The following CNTN1 variants were observed in gnomAD, a reference collection of about 807,000 sequenced individuals.
CNTN1 encodes contactin 1, also known as contactin-1.
In CNTN1, 38 loss-of-function variants were observed where a neutral mutation model predicts 126.4. The observed-to-expected ratio is 0.30, with a 90% CI of 0.23 to 0.39. The LOEUF is 0.39. Among genes scored for constraint, CNTN1 ranks in the 10% least tolerant of loss-of-function variants. The pLI is 1.00. For synonymous variants in CNTN1, 413 were observed against 422.6 expected, an observed-to-expected ratio of 0.98 and a Z score of 0.28; for missense variants, 1,009 against 1,248.4, an observed-to-expected ratio of 0.81 and a Z score of 2.89.
At chr12:40,746,900 A>T (rs7974699) in intron 1 of CNTN1, among the ~76,000 whole-genome samples, 1 of 151,960 alleles carries the variant, frequency 6.6e-6, no homozygotes, top group Non-Finnish European at 1.5e-5. Flanking sequence ...AGGTGTTTTT[A>T]TCTATTAGGA....
chr12:40,957,312 T>C (rs1040200111), intron 14 of CNTN1, among the ~76,000 whole-genome samples: 1 of 151,434 alleles, frequency 6.6e-6, no homozygotes, highest in Non-Finnish European at 1.5e-5. Flanking sequence ...GTAGTAGGAG[T>C]GGCTGCCAAC....
chr12:41,016,655 C>T (rs753322771), intron 18 of CNTN1, 27 bp from the exon 19 acceptor site: 1 of 1,461,826 alleles, frequency 6.8e-7, no homozygotes. Flanking sequence ...TTACTAAAAC[C>T]TACTCAATCT....
At chr12:41,000,194 G>C (rs143668332) in intron 17 of CNTN1, among the ~76,000 whole-genome samples, 85 of 152,136 alleles carry the variant, frequency 5.6e-4, no homozygotes, top group East Asian at 3.5e-3. Flanking sequence ...GGCTAATATT[G>C]CTTATAATGA....
intron 10 of CNTN1, among the ~76,000 whole-genome samples, chr12:40,937,191 G>A (rs1946111372): frequency 6.6e-6 from 1 of 150,424 alleles, no homozygotes; most frequent in South Asian, 2.1e-4. Context: ...ACCTGATATT[G>A]TCCTCTTTTT....
At chr12:40,845,424 T>G (rs1202682862) in intron 1 of CNTN1, among the ~76,000 whole-genome samples, 1 of 152,214 alleles carries the variant, frequency 6.6e-6, no homozygotes, top group East Asian at 1.9e-4. Flanking sequence ...AAATATATAT[T>G]ATCACCTGTT....
Position 40,796,559 on chromosome 12 carries a change from G to A in CNTN1, c.-77+103967G>A, listed in dbSNP as rs562201415. 2.0e-5 allele frequency among the ~76,000 whole-genome samples: 3 copies of A among 152,208 alleles called. No homozygotes were observed. In the South Asian group the frequency reaches 6.2e-4, roughly 31 times the overall value. On this transcript the variant is annotated intron_variant, in intron 1 of 23. Coordinates refer to ENST00000551295, the MANE Select transcript of CNTN1 (RefSeq NM_001843.4). ...GTACTAGAACAACAGGGCTGACAAA[G>A]AAGAGTGCCCTGATGCTGAGGTGAG...
chr12:40,911,853 G>A (rs564441369), intron 3 of CNTN1, among the ~76,000 whole-genome samples: 1 of 152,314 alleles, frequency 6.6e-6, no homozygotes, highest in Non-Finnish European at 1.5e-5. Context: ...CAAGAGTAAT[G>A]GCATCACTCC....
intron 17 of CNTN1, among the ~76,000 whole-genome samples, chr12:41,008,558 A>C (rs1948562663): frequency 6.6e-6 from 1 of 152,164 alleles, no homozygotes; most frequent in Non-Finnish European, 1.5e-5. Context: ...CCCTAGCTAA[A>C]TCTTTCCTGC....
chr12:40,988,900 G>A (rs1468957314), intron 16 of CNTN1, among the ~76,000 whole-genome samples: 2 of 152,162 alleles, frequency 1.3e-5, no homozygotes, highest in Non-Finnish European at 2.9e-5. Context: ...GAGATTAACT[G>A]TATTGCCTGA....
chr12:40,948,824 C>T (rs548051251), intron 14 of CNTN1, among the ~76,000 whole-genome samples: 2 of 152,214 alleles, frequency 1.3e-5, no homozygotes, highest in Admixed American at 6.5e-5. Flanking sequence ...ACTTCATTCT[C>T]CCTACACTGT....
intron 1 of CNTN1, among the ~76,000 whole-genome samples, chr12:40,903,674 A>G (rs77325461): frequency 0.098 from 14,966 of 152,202 alleles, 869 homozygotes; most frequent in Non-Finnish European, 0.13. Context: ...ATACTTTTAT[A>G]CCCGAATGGC....
intron 1 of CNTN1, among the ~76,000 whole-genome samples, chr12:40,700,115 C>T (rs1047363879): frequency 6.6e-6 from 1 of 152,078 alleles, no homozygotes; most frequent in Non-Finnish European, 1.5e-5. Flanking sequence ...AACACACACA[C>T]ATACACACAC....
At chr12:41,009,316 A>C (rs1175195655) in intron 17 of CNTN1, among the ~76,000 whole-genome samples, 1 of 152,218 alleles carries the variant, frequency 6.6e-6, no homozygotes, top group Non-Finnish European at 1.5e-5. Context: ...CTTAGAGGAC[A>C]GTAATCCCAC....
intron 1 of CNTN1, among the ~76,000 whole-genome samples, chr12:40,902,982 G>A (rs555819086): frequency 1.3e-5 from 2 of 152,338 alleles, no homozygotes; most frequent in East Asian, 3.9e-4. Flanking sequence ...GAGAAAGAAA[G>A]ACGAAGATGT....
intron 1 of CNTN1, among the ~76,000 whole-genome samples, chr12:40,835,508 T>C (rs1942014238): frequency 6.6e-6 from 1 of 152,134 alleles, no homozygotes; most frequent in Admixed American, 6.5e-5. Flanking sequence ...TTTCTGGTAC[T>C]GTCAACTATG....
intron 12 of CNTN1, among the ~76,000 whole-genome samples, chr12:40,941,971 A>G (rs562537707): frequency 1.1e-4 from 17 of 152,152 alleles, no homozygotes; most frequent in Non-Finnish European, 2.2e-4. Context: ...TATAAATGAG[A>G]CGAATGACAC....
intron 15 of CNTN1, among the ~76,000 whole-genome samples, chr12:40,975,033 A>G (rs1198351407): frequency 6.6e-6 from 1 of 151,800 alleles, no homozygotes; most frequent in Non-Finnish European, 1.5e-5. Flanking sequence ...TGTATAATCT[A>G]AATTTGAAAA....
intron 1 of CNTN1, among the ~76,000 whole-genome samples, chr12:40,889,906 G>C (rs754563790): frequency 6.6e-6 from 1 of 152,074 alleles, no homozygotes; most frequent in Admixed American, 6.5e-5. Context: ...TTACCTACAC[G>C]TAATTTTGAA....
intron 1 of CNTN1, among the ~76,000 whole-genome samples, chr12:40,837,986 A>G (rs1453314958): frequency 6.6e-6 from 1 of 152,178 alleles, no homozygotes; most frequent in Non-Finnish European, 1.5e-5. Flanking sequence ...GCAGGGTCTC[A>G]GTATCGCTGC....
Sources: allele counts gnomAD v4.1 joint callset (sites outside exome capture counted in the v4.1 genomes callset), GRCh38; gene constraint gnomAD v4.1.1; transcripts MANE v1.5; gene names NCBI Gene and HGNC (gene_info 2026-07-23, HGNC 2026-07-21).